The following ADCY2 variants were observed in gnomAD, a reference collection of about 807,000 sequenced individuals.
ADCY2 encodes the protein adenylate cyclase 2.
ADCY2 carries 31 observed loss-of-function variants against 125.2 expected under a neutral mutation model. That is an observed-to-expected ratio of 0.25 (90% CI 0.19 to 0.33). The LOEUF is 0.33. Ranked by LOEUF, ADCY2 falls within the 10% of genes least tolerant of loss-of-function variation. ADCY2 has a pLI of 1.00. For synonymous variants in ADCY2, 512 were observed against 548.4 expected (o/e 0.93, Z 0.93); for missense variants, 904 against 1,418.2 (o/e 0.64, Z 5.82).
At chr5:7,410,668 ATT>A (rs1432247001) in intron 1 of ADCY2, among the ~76,000 whole-genome samples, 11 of 152,154 alleles carry the variant, frequency 7.2e-5, no homozygotes. Context: ...TTAAAAAGAC[ATT>A]TTAGTATATT....
Position 7,807,178 on chromosome 5 carries a change from C to T in ADCY2, c.2883+2486C>T, listed in dbSNP as rs145431715. Among the ~76,000 whole-genome samples the T allele has an allele frequency of 8.3e-3, 1,265 of 152,322 alleles. 7 individuals carry two copies. The highest frequency in any genetic ancestry group is 0.011 in the Non-Finnish European group (755 of 68,034). ...CAGTGTCACTCTACAGCCCAGGGTG[C>T]GTGTCTGCCTGTTCTTCCTGACCCT... On this transcript the variant is annotated intron_variant, in intron 22 of 24. Transcript: ENST00000338316.
At chr5:7,610,226 C>T (rs1035043192) in intron 3 of ADCY2, among the ~76,000 whole-genome samples, 1 of 152,140 alleles carries the variant, frequency 6.6e-6, no homozygotes, top group East Asian at 1.9e-4. Flanking sequence ...CAAGGGAGAA[C>T]TTGGGGGAAT....
At chr5:7,599,446 C>T (rs1737122541) in intron 3 of ADCY2, among the ~76,000 whole-genome samples, 1 of 152,062 alleles carries the variant, frequency 6.6e-6, no homozygotes, top group South Asian at 2.1e-4. Flanking sequence ...GGAGGAGACA[C>T]CAAATGCATA....
At chr5:7,635,201 G>C (rs1738453282) in intron 4 of ADCY2, among the ~76,000 whole-genome samples, 2 of 152,170 alleles carry the variant, frequency 1.3e-5, no homozygotes, top group Non-Finnish European at 2.9e-5. Context: ...TTTTGAGTAA[G>C]ATAGCAACGT....
chr5:7,663,808 C>T (rs1016834313), intron 4 of ADCY2, among the ~76,000 whole-genome samples: 1 of 152,198 alleles, frequency 6.6e-6, no homozygotes, highest in Admixed American at 6.5e-5. Flanking sequence ...TGAGGCCAGG[C>T]ACACCCTCTG....
intron 17 of ADCY2, among the ~76,000 whole-genome samples, chr5:7,767,506 A>G (rs1426289460): frequency 6.6e-6 from 1 of 152,166 alleles, no homozygotes; most frequent in Non-Finnish European, 1.5e-5. Context: ...GTGTCAAATA[A>G]TGGGTTTTGA....
At chr5:7,688,046 G>A (rs1740575757) in intron 4 of ADCY2, among the ~76,000 whole-genome samples, 1 of 76,506 alleles carries the variant, frequency 1.3e-5, no homozygotes. Flanking sequence ...ATGCTACTGG[G>A]ATTTCCAAAT....
intron 4 of ADCY2, among the ~76,000 whole-genome samples, chr5:7,630,558 C>G (rs1481327233): frequency 6.6e-6 from 1 of 152,058 alleles, no homozygotes; most frequent in Non-Finnish European, 1.5e-5. Flanking sequence ...GATTTTTTAT[C>G]TTACAGTTTC....
At chr5:7,418,530 G>C (rs1261227200) in intron 2 of ADCY2, among the ~76,000 whole-genome samples, 3 of 151,852 alleles carry the variant, frequency 2.0e-5, no homozygotes, top group African/African-American at 2.4e-5. Flanking sequence ...CCCTTGGAGA[G>C]ACATCGAGTC....
intron 10 of ADCY2, among the ~76,000 whole-genome samples, chr5:7,711,440 G>T (rs1301597963): frequency 6.6e-6 from 1 of 152,170 alleles, no homozygotes; most frequent in Non-Finnish European, 1.5e-5. Context: ...TGGTTGGTTG[G>T]TTTTTAAGGA....
At chr5:7,809,497 T>C (rs532412007) in intron 22 of ADCY2, among the ~76,000 whole-genome samples, 3 of 152,390 alleles carry the variant, frequency 2.0e-5, no homozygotes, top group Admixed American at 6.5e-5. Context: ...TCTCTAGTTA[T>C]GAACAAAATA....
At chr5:7,450,257 CG>C (rs1378729103) in intron 2 of ADCY2, among the ~76,000 whole-genome samples, 1 of 152,174 alleles carries the variant, frequency 6.6e-6, no homozygotes, top group Non-Finnish European at 1.5e-5. Context: ...CCAAAGGAAA[CG>C]TTCTTGAAGG....
At chr5:7,794,693 T>A (rs1158260515) in intron 20 of ADCY2, 1 of 152,142 alleles carries the variant, frequency 6.6e-6, no homozygotes, top group Non-Finnish European at 1.5e-5. Flanking sequence ...CTGTGGAATG[T>A]CTCCTGTGGC....
chr5:7,427,380 A>C (rs1177240438), intron 2 of ADCY2, among the ~76,000 whole-genome samples: 1 of 152,196 alleles, frequency 6.6e-6, no homozygotes, highest in African/African-American at 2.4e-5. Context: ...AGGCCTTAGG[A>C]AACTTACAAT....
chr5:7,748,896 C>T (rs998520801), intron 15 of ADCY2, among the ~76,000 whole-genome samples: 2 of 152,192 alleles, frequency 1.3e-5, no homozygotes, highest in Non-Finnish European at 2.9e-5. Context: ...ACAGATGCTA[C>T]ATAACTTGCC....
chr5:7,524,443 G>T (rs1404210745), intron 3 of ADCY2, among the ~76,000 whole-genome samples: 1 of 152,010 alleles, frequency 6.6e-6, no homozygotes, highest in East Asian at 1.9e-4. Flanking sequence ...GCTATCTGAT[G>T]CCCGGACCCT....
At chr5:7,704,435 T>C (rs1189931331) in intron 7 of ADCY2, among the ~76,000 whole-genome samples, 1 of 152,172 alleles carries the variant, frequency 6.6e-6, no homozygotes, top group Non-Finnish European at 1.5e-5. Flanking sequence ...TGTAAATTAT[T>C]TTTAATCAAG....
At chr5:7,784,309 T>A in intron 18 of ADCY2, 56 bp from the exon 19 acceptor site, 1 of 1,229,432 alleles carries the variant, frequency 8.1e-7, no homozygotes, top group Non-Finnish European at 1.2e-6. Flanking sequence ...TTCTAAGTCC[T>A]GTATGCGTGT....
chr5:7,569,075 A>C (rs1021316303), intron 3 of ADCY2, among the ~76,000 whole-genome samples: 1 of 152,216 alleles, frequency 6.6e-6, no homozygotes, highest in African/African-American at 2.4e-5. Flanking sequence ...ATAGATGAAG[A>C]GCTCATCATG....
Sources: allele counts gnomAD v4.1 joint callset (sites outside exome capture counted in the v4.1 genomes callset), GRCh38; gene constraint gnomAD v4.1.1; transcripts MANE v1.5; gene names NCBI Gene and HGNC (gene_info 2026-07-23, HGNC 2026-07-21).